The following AGTRAP variants were observed in gnomAD, a reference collection of about 807,000 sequenced individuals.
AGTRAP encodes the protein type-1 angiotensin II receptor-associated protein.
A neutral mutation model predicts 15.2 loss-of-function variants in AGTRAP; 7 were observed. The ratio of observed to expected loss-of-function variants is 0.46; its 90% confidence interval spans 0.26 to 0.87. AGTRAP has a LOEUF of 0.87. Ranked by LOEUF, AGTRAP falls within the 40% of genes least tolerant of loss-of-function variation. The pLI, the probability that AGTRAP is intolerant of heterozygous loss-of-function variation, is 0.15. For missense variants in AGTRAP, 187 were observed against 213.4 expected (o/e 0.88, Z 0.77); for synonymous variants, 74 against 89.6 (o/e 0.83, Z 0.98).
Position 11,750,094 on chromosome 1 carries a change from C to T in AGTRAP, c.382C>T (p.Gln128Ter), listed in dbSNP as rs375192931. 1.2e-6 allele frequency: 2 copies of T among 1,613,944 alleles called. No homozygotes were observed. The highest frequency in any genetic ancestry group is 2.7e-5 in the African/African-American group (2 of 74,906). Residue 128 changes from glutamine to a stop codon, truncating the protein, a stop_gained, in exon 5 of 5, where the codon CAG (glutamine) becomes TAG (stop). Coordinates refer to ENST00000314340, the MANE Select transcript of AGTRAP (RefSeq NM_020350.5). LOFTEE classifies it low-confidence loss of function (END_TRUNC). ...LVHTGFLGSS[Q>*]DRSAYQTIDS... ...TCACCTAGGTTTCCTTGGGTCTTCTCAGGACCGTAGTGCCTACCAGACGAT... is the reference window on the plus strand; with the variant it reads ...TCACCTAGGTTTCCTTGGGTCTTCTTAGGACCGTAGTGCCTACCAGACGAT...
chr1:11,743,624 T>C (rs1642089350), intron 1 of AGTRAP, among the ~76,000 whole-genome samples: 1 of 148,358 alleles, frequency 6.7e-6, no homozygotes, highest in Non-Finnish European at 1.5e-5. Context: ...TGGAGTACAA[T>C]GGCGCGATCT....
chr1:11,742,345 A>C (rs1224410176), intron 1 of AGTRAP, among the ~76,000 whole-genome samples: 1 of 152,214 alleles, frequency 6.6e-6, no homozygotes, highest in Admixed American at 6.5e-5. Flanking sequence ...TGTGTGGTCA[A>C]GAGTAACTCT....
At position 11,750,062 on chromosome 1, in the gene AGTRAP, T is replaced by A. The variant is rs1038776798; in HGVS notation, c.365-15T>A. The A allele has an allele frequency of 2.1e-5, 33 of 1,602,956 alleles. No homozygotes were observed. The highest frequency in any genetic ancestry group is 6.7e-5 in the East Asian group (3 of 44,820). On this transcript the variant is annotated splice_polypyrimidine_tract_variant and intron_variant, in intron 4 of 4. Coordinates refer to ENST00000314340, the MANE Select transcript of AGTRAP (RefSeq NM_020350.5). ...CCCTTCATTTTTCTTTCCCACCATGTCCCCTGTCACCTAGGTTTCCTTGGG... is the reference window on the plus strand; with the variant it reads ...CCCTTCATTTTTCTTTCCCACCATGACCCCTGTCACCTAGGTTTCCTTGGG...
Position 11,736,253 on chromosome 1 carries a change from G to T in AGTRAP, c.27+18G>T, listed in dbSNP as rs1220981755. On this transcript the variant is annotated intron_variant, in intron 1 of 4. Transcript: ENST00000314340. Reference sequence around the variant, plus strand: ...ACCTGAAGGTGGCGACGGGCTGGGGGGAGGGTCCCCTTTGCGGGAGGAAGT... The same window carrying T: ...ACCTGAAGGTGGCGACGGGCTGGGGTGAGGGTCCCCTTTGCGGGAGGAAGT... 6.2e-7 allele frequency: 1 copy of T among 1,605,512 alleles called. No homozygotes were observed. The highest frequency in any genetic ancestry group is 2.2e-5 in the East Asian group (1 of 44,646).
At chr1:11,746,200 A>T (rs763519744) in intron 2 of AGTRAP, 50 of 1,612,210 alleles carry the variant, frequency 3.1e-5, no homozygotes, top group South Asian at 9.9e-5. Flanking sequence ...CAAACTTCGA[A>T]GTGCAGCGCA....
At chr1:11,744,398 G>A (rs980130137) in intron 1 of AGTRAP, 17 of 560,782 alleles carry the variant, frequency 3.0e-5, no homozygotes, top group Non-Finnish European at 4.6e-5. Context: ...AGTCTCAGTG[G>A]TGTCCCTCGT....
chr1:11,744,550 C>T lies in AGTRAP; in HGVS notation c.28-1253C>T, dbSNP rs776128152. 37 of 716,792 alleles carry T rather than the reference C, an allele frequency of 5.2e-5. No individual in the cohort carries two copies. The Middle Eastern group carries it at 1.8e-3, about 35-fold the overall frequency. The allele number at this position is 716,792 out of a possible 1,614,324, so 44.4% of individuals were successfully genotyped here. ...CCCCACAGTGCGCCAGCTCCAGTGTCCCAAGAAATCACCCTCACGTGAGTC... is the reference window on the plus strand; with the variant it reads ...CCCCACAGTGCGCCAGCTCCAGTGTTCCAAGAAATCACCCTCACGTGAGTC... On this transcript the variant is annotated intron_variant, in intron 1 of 4. Transcript: ENST00000314340.
intron 4 of AGTRAP, 92 bp downstream of exon 4, chr1:11,748,702 A>G: frequency 3.5e-6 from 5 of 1,440,426 alleles, no homozygotes; most frequent in Non-Finnish European, 4.7e-6. Context: ...GCCTTGCCCC[A>G]TGGGGCCAGG....
intron 1 of AGTRAP, among the ~76,000 whole-genome samples, chr1:11,744,199 CAGG>C (rs1057333998): frequency 6.6e-6 from 1 of 152,138 alleles, no homozygotes; most frequent in Non-Finnish European, 1.5e-5. Context: ...CACTTAAGCC[CAGG>C]AGTTTGAGGC....
At chr1:11,747,803 G>A (rs1049419629) in intron 3 of AGTRAP, among the ~76,000 whole-genome samples, 1 of 152,240 alleles carries the variant, frequency 6.6e-6, no homozygotes, top group African/African-American at 2.4e-5. Context: ...CATGGGGTGG[G>A]TCCCACCAGT....
At chr1:11,748,649 T>G (rs11121819) in intron 4 of AGTRAP, 39 bp downstream of exon 4, 586,539 of 1,581,738 alleles carry the variant, frequency 0.37, 111,090 homozygotes, top group East Asian at 0.58. Flanking sequence ...CACCGCTCCC[T>G]TCTCTCCCTT....
At chr1:11,746,039 C>T (rs1221020347) in intron 2 of AGTRAP, 8 of 1,403,178 alleles carry the variant, frequency 5.7e-6, no homozygotes, top group Non-Finnish European at 7.0e-6. Context: ...TGGAAGTGCT[C>T]ATCAGAGCTC....
chr1:11,743,567 TCC>T lies in AGTRAP; in HGVS notation c.28-2235_28-2234del, dbSNP rs17875931. Among the ~76,000 whole-genome samples the T allele has an allele frequency of 4.3e-3, 613 of 141,626 alleles. 27 individuals are homozygous for T. Among genetic ancestry groups the T allele is most frequent in the East Asian group, 0.025 (117 of 4,636 alleles). 92.9% of individuals were successfully genotyped at this position (141,626 alleles called of 152,430 possible). ...AGCCCATCTGCCCTTTTTCTTTCTT[TCC>T]TTTTTTTTTTTTTTGAGGCGGAGGT... is the stretch of plus-strand genomic sequence containing the variant. On this transcript the variant is annotated intron_variant, in intron 1 of 4. Coordinates refer to ENST00000314340, the MANE Select transcript of AGTRAP (RefSeq NM_020350.5).
In AGTRAP at chr1:11,736,250, G is replaced by T. The variant is rs769654932; in HGVS notation, c.27+15G>T. 4 of 1,606,254 alleles carry T rather than the reference G, an allele frequency of 2.5e-6. No homozygotes were observed. In the East Asian group the frequency reaches 6.7e-5, roughly 27 times the overall value. On this transcript the variant is annotated intron_variant, in intron 1 of 4. Transcript: ENST00000314340. ...TGAACCTGAAGGTGGCGACGGGCTG[G>T]GGGGAGGGTCCCCTTTGCGGGAGGA...
chr1:11,748,810 T>G (rs1642241024), intron 4 of AGTRAP, among the ~76,000 whole-genome samples, 200 bp downstream of exon 4: 2 of 152,164 alleles, frequency 1.3e-5, no homozygotes, highest in Non-Finnish European at 2.9e-5. Context: ...GGTCCCCTGG[T>G]TGTCCTGGTC....
At chr1:11,741,175 G>T (rs1268548212) in intron 1 of AGTRAP, among the ~76,000 whole-genome samples, 1 of 150,420 alleles carries the variant, frequency 6.6e-6, no homozygotes, top group Non-Finnish European at 1.5e-5. Flanking sequence ...TGTGAGTGCC[G>T]CCCCTCCTGC....
chr1:11,737,064 C>T (rs1308102124), intron 1 of AGTRAP, among the ~76,000 whole-genome samples: 2 of 152,246 alleles, frequency 1.3e-5, no homozygotes, highest in Non-Finnish European at 2.9e-5. Flanking sequence ...TGTCCTCTTA[C>T]TCATGAATGA....
chr1:11,745,788 C>G lies in AGTRAP; in HGVS notation c.28-15C>G. ...ATGTTCACAGACCTCTTCTCTCCCCCTTGTTGTGCCACAGGTGATTCTCCT... is the reference window on the plus strand; with the variant it reads ...ATGTTCACAGACCTCTTCTCTCCCCGTTGTTGTGCCACAGGTGATTCTCCT... On this transcript the variant is annotated splice_polypyrimidine_tract_variant and intron_variant, in intron 1 of 4. Transcript: ENST00000314340. The surrounding 1 kb of genome is among the most constrained non-coding windows in gnomAD (Gnocchi z 4.2). 1 of 1,614,138 alleles carries G rather than the reference C, an allele frequency of 6.2e-7. No individual in the cohort carries two copies.
At chr1:11,749,521 T>C (rs772884603) in intron 4 of AGTRAP, among the ~76,000 whole-genome samples, 8 of 152,242 alleles carry the variant, frequency 5.3e-5, no homozygotes, top group Non-Finnish European at 1.2e-4. Context: ...GGGATGAATG[T>C]ACAGAGTAGG....
Sources: allele counts gnomAD v4.1 joint callset (sites outside exome capture counted in the v4.1 genomes callset), GRCh38; gene constraint gnomAD v4.1.1; non-coding constraint Gnocchi (gnomAD v3.1); transcripts MANE v1.5; gene names NCBI Gene and HGNC (gene_info 2026-07-23, HGNC 2026-07-21).